CLSTN1: variants seen among roughly 807,000 people sequenced by gnomAD.
CLSTN1 encodes the protein calsyntenin-1.
A neutral mutation model predicts 108.3 loss-of-function variants in CLSTN1; 28 were observed. The ratio of observed to expected loss-of-function variants is 0.26; its 90% CI spans 0.19 to 0.35. CLSTN1 has a LOEUF of 0.35. Ranked by LOEUF, CLSTN1 falls within the 10% of genes least tolerant of loss-of-function variation. The pLI is 1.00. For synonymous variants in CLSTN1, 524 were observed against 534.9 expected (o/e 0.98, Z 0.28); for missense variants, 1,157 against 1,302.6 (o/e 0.89, Z 1.72).
chr1:9,743,634 A>G (rs1651090901), intron 9 of CLSTN1, among the ~76,000 whole-genome samples: 4 of 151,600 alleles, frequency 2.6e-5, no homozygotes, highest in African/African-American at 4.9e-5. Context: ...TACAGCCTTG[A>G]CCTCCTGGGC....
intron 9 of CLSTN1, among the ~76,000 whole-genome samples, chr1:9,742,906 G>A (rs575496429): frequency 4.6e-5 from 7 of 151,620 alleles, no homozygotes; most frequent in African/African-American, 9.7e-5. Flanking sequence ...ACTCAGTCTC[G>A]GGGGAAAAAA....
chr1:9,808,291 T>A (rs1401820510), intron 1 of CLSTN1, among the ~76,000 whole-genome samples: 2 of 152,236 alleles, frequency 1.3e-5, no homozygotes, highest in African/African-American at 4.8e-5. Flanking sequence ...AGCCATGTTG[T>A]TCAAGGCTCA....
At chr1:9,817,408 A>G (rs1222174544) in intron 1 of CLSTN1, among the ~76,000 whole-genome samples, 1 of 151,862 alleles carries the variant, frequency 6.6e-6, no homozygotes, top group Non-Finnish European at 1.5e-5. Flanking sequence ...GCTCACCGCA[A>G]CCTCCACCTC....
At chr1:9,816,033 T>C (rs1459929274) in intron 1 of CLSTN1, among the ~76,000 whole-genome samples, 2 of 152,116 alleles carry the variant, frequency 1.3e-5, no homozygotes, top group Non-Finnish European at 2.9e-5. Flanking sequence ...TGAAAACATA[T>C]GTCCACACAA....
intron 1 of CLSTN1, among the ~76,000 whole-genome samples, chr1:9,784,014 A>ATAC (rs1192405967): frequency 1.3e-5 from 2 of 151,508 alleles, no homozygotes; most frequent in Non-Finnish European, 2.9e-5. Context: ...AATAATAATA[A>ATAC]TACAAAAATT....
chr1:9,787,024 T>C (rs889201798), intron 1 of CLSTN1, among the ~76,000 whole-genome samples: 1 of 150,836 alleles, frequency 6.6e-6, no homozygotes, highest in Non-Finnish European at 1.5e-5. Context: ...AAGAACGAAG[T>C]TGGGGGTGAA....
intron 10 of CLSTN1, among the ~76,000 whole-genome samples, chr1:9,739,325 AC>A (rs1464831266): frequency 6.6e-6 from 1 of 152,232 alleles, no homozygotes; most frequent in Non-Finnish European, 1.5e-5. Flanking sequence ...CTTGGAACTT[AC>A]ACCACTGTTG....
intron 1 of CLSTN1, among the ~76,000 whole-genome samples, chr1:9,794,465 T>A (rs529823610): frequency 6.6e-6 from 1 of 151,484 alleles, no homozygotes; most frequent in Non-Finnish European, 1.5e-5. Flanking sequence ...TGCTTCACCA[T>A]GCCTGGCTAA....
chr1:9,744,014 G>A lies in CLSTN1; in HGVS notation c.1235-9C>T, dbSNP rs1191715621. 5 of 1,612,034 alleles carry A rather than the reference G, an allele frequency of 3.1e-6. No individual in the cohort carries two copies. Among genetic ancestry groups the A allele is most frequent in the Non-Finnish European group, 4.2e-6 (5 of 1,179,002 alleles). The stretch of plus-strand genomic sequence containing the variant: ...GTGGTGCCGATTCATATCTGCAAAG[G>A]CAGTTTCTATGGGTAAATTGCCAAC... On this transcript the variant is annotated splice_polypyrimidine_tract_variant and intron_variant, in intron 8 of 18. Coordinates refer to ENST00000377298, the MANE Select transcript of CLSTN1 (RefSeq NM_001009566.3).
chr1:9,749,683 G>T, intron 6 of CLSTN1, 37 bp from the exon 7 acceptor site: 1 of 1,611,218 alleles, frequency 6.2e-7, no homozygotes. Context: ...GAAGAGAGAA[G>T]GAAAACACAC....
intron 1 of CLSTN1, among the ~76,000 whole-genome samples, chr1:9,805,125 A>T (rs962090967): frequency 4.6e-5 from 7 of 152,100 alleles, no homozygotes; most frequent in African/African-American, 1.4e-4. Flanking sequence ...TCTCAAAAAG[A>T]AAAAAAAGAA....
chr1:9,810,645 T>C (rs1654716099), intron 1 of CLSTN1, among the ~76,000 whole-genome samples: 1 of 151,452 alleles, frequency 6.6e-6, no homozygotes, highest in African/African-American at 2.4e-5. Context: ...TGTGGTGGTG[T>C]ACACCTATAA....
intron 1 of CLSTN1, among the ~76,000 whole-genome samples, chr1:9,815,658 C>T (rs528643811): frequency 1.2e-4 from 19 of 152,240 alleles, no homozygotes; most frequent in Admixed American, 1.2e-3. Flanking sequence ...AAACACAGGC[C>T]GGGCATAGTG....
At chr1:9,786,575 G>A (rs149508627) in intron 1 of CLSTN1, among the ~76,000 whole-genome samples, 6,955 of 150,334 alleles carry the variant, frequency 0.046, 515 homozygotes, top group African/African-American at 0.16. Flanking sequence ...CCCGGGAGGT[G>A]GAGGTTGCAG....
Position 9,781,021 on chromosome 1 carries a change from T to C in CLSTN1, c.92-7627A>G, listed in dbSNP as rs112009637. The C allele has an allele frequency of 9.7e-3, 4,869 of 504,448 alleles. 179 individuals carry two copies. Among genetic ancestry groups the C allele is most frequent in the African/African-American group, 0.07 (3,536 of 50,212 alleles). The allele number at this position is 504,448 out of a possible 1,614,324, so 31.2% of individuals were successfully genotyped here. ...TTAAAAAGTTTCGGATTTTGGAGCA[T>C]TTCACATTTCAGGTTTTGGGATTAA... On this transcript the variant is annotated intron_variant, in intron 1 of 18. Coordinates refer to ENST00000377298, the MANE Select transcript of CLSTN1 (RefSeq NM_001009566.3).
chr1:9,757,516 C>G (rs1258815717), intron 2 of CLSTN1, among the ~76,000 whole-genome samples: 1 of 152,188 alleles, frequency 6.6e-6, no homozygotes, highest in Non-Finnish European at 1.5e-5. Context: ...GCTGGGATTA[C>G]AGGCGTGAGC....
At chr1:9,822,046 T>A (rs886178484) in intron 1 of CLSTN1, among the ~76,000 whole-genome samples, 2 of 152,234 alleles carry the variant, frequency 1.3e-5, no homozygotes, top group African/African-American at 4.8e-5. Flanking sequence ...GCACCAATTT[T>A]AACAAGAAAT....
At chr1:9,752,875 A>G (rs949813271) in intron 4 of CLSTN1, among the ~76,000 whole-genome samples, 3 of 152,124 alleles carry the variant, frequency 2.0e-5, no homozygotes, top group Non-Finnish European at 4.4e-5. Flanking sequence ...AAATAAGTAA[A>G]TAAATAAATA....
intron 10 of CLSTN1, among the ~76,000 whole-genome samples, chr1:9,738,405 G>A (rs573056003): frequency 3.3e-5 from 5 of 152,250 alleles, no homozygotes; most frequent in South Asian, 2.1e-4. Context: ...TTTGGGCTGC[G>A]GCTGTGCGGG....
Sources: gnomAD v4.1 joint callset for allele counts (sites outside exome capture counted in the v4.1 genomes callset) on GRCh38, gnomAD v4.1.1 for gene constraint, MANE v1.5 for transcripts, NCBI Gene and HGNC (gene_info 2026-07-23, HGNC 2026-07-21) for gene names.